PSMD12: variants seen among roughly 807,000 people sequenced by gnomAD.
The protein encoded by PSMD12 is 26S proteasome non-ATPase regulatory subunit 12.
In PSMD12, 8 loss-of-function variants were observed where a neutral mutation model predicts 62.9. That is an observed-to-expected ratio of 0.13 (90% CI 0.07 to 0.23). PSMD12 has a LOEUF of 0.23. Among genes scored for constraint, PSMD12 ranks in the 10% least tolerant of loss-of-function variants. PSMD12 has a pLI of 1.00. For missense variants in PSMD12, 424 were observed against 550.2 expected (o/e 0.77, Z 2.29); for synonymous variants, 173 against 187.4 (o/e 0.92, Z 0.63).
At chr17:67,347,311 AACAT>A (rs747948923) in intron 6 of PSMD12, 21 bp downstream of exon 6, 28 of 1,611,912 alleles carry the variant, frequency 1.7e-5, no homozygotes, top group Middle Eastern at 1.6e-4. Context: ...TTTTAAAGTA[AACAT>A]GTGGTCACAG....
chr17:67,364,263 A>G (rs2042159856), intron 1 of PSMD12, among the ~76,000 whole-genome samples: 2 of 152,102 alleles, frequency 1.3e-5, no homozygotes, highest in African/African-American at 2.4e-5. Flanking sequence ...AAATGTATCT[A>G]TCTTAACAGG....
At chr17:67,345,589 CTGAGA>C in intron 8 of PSMD12, 151 bp downstream of exon 8, 1 of 616,320 alleles carries the variant, frequency 1.6e-6, no homozygotes, top group East Asian at 2.9e-5. Flanking sequence ...TTGCAGTGAG[CTGAGA>C]TTACACCATT....
At chr17:67,353,030 G>C (rs1485844697) in intron 3 of PSMD12, among the ~76,000 whole-genome samples, 1 of 152,180 alleles carries the variant, frequency 6.6e-6, no homozygotes, top group African/African-American at 2.4e-5. Context: ...TGTACTATCT[G>C]TGGTTTCTGG....
At chr17:67,348,842 A>C (rs781304070) in intron 4 of PSMD12, among the ~76,000 whole-genome samples, 188 bp from the exon 5 acceptor site, 1 of 152,074 alleles carries the variant, frequency 6.6e-6, no homozygotes, top group Non-Finnish European at 1.5e-5. Context: ...CTAAAAATCA[A>C]AACATTAGCT....
chr17:67,341,051 T>A lies in PSMD12; in HGVS notation c.1163A>T (p.Glu388Val). Residue 388 changes from glutamate to valine, a missense_variant and splice_region_variant, in exon 11 of 11, where the codon GAG (glutamate) becomes GTG (valine). Physicochemically the swap from Glu to Val is moderately radical, Grantham distance 121 (BLOSUM62 -2). Coordinates refer to ENST00000356126, the MANE Select transcript of PSMD12 (RefSeq NM_002816.5). The stretch of plus-strand genomic sequence containing the variant: ...TAGATTTGAGAGAAAGGCTTCGGAC[T>A]CCTGCAAGAGAGAAAGATAAATTGG... ...MAQLLDLSVD[E>V]SEAFLSNLVV... 1 of 1,541,776 alleles carries A rather than the reference T, an allele frequency of 6.5e-7. No homozygotes were observed. The highest frequency in any genetic ancestry group is 8.7e-7 in the Non-Finnish European group (1 of 1,149,754).
intron 4 of PSMD12, among the ~76,000 whole-genome samples, chr17:67,349,654 T>A (rs2041999966): frequency 6.6e-6 from 1 of 152,228 alleles, no homozygotes; most frequent in South Asian, 2.1e-4. Context: ...AATACAAGAC[T>A]ACCTTCTTTA....
intron 7 of PSMD12, among the ~76,000 whole-genome samples, chr17:67,346,294 C>T (rs1277174400): frequency 2.0e-5 from 3 of 151,720 alleles, no homozygotes; most frequent in East Asian, 3.9e-4. Flanking sequence ...ACTCGGGAGG[C>T]TGAGGCAGGA....
chr17:67,347,242 C>G lies in PSMD12; in HGVS notation c.669G>C (p.Lys223Asn). Residue 223 changes from lysine (K) to asparagine (N), a missense_variant, in exon 7 of 11, where the codon AAG becomes AAC. Physicochemically the swap from Lys to Asn is moderately conservative, Grantham distance 94 (BLOSUM62 0). Coordinates refer to ENST00000356126, the MANE Select transcript of PSMD12 (RefSeq NM_002816.5). ...FFQEENTEKL[K>N]LKYYNLMIQL... The stretch of plus-strand genomic sequence containing the variant: ...GAATCATTAAATTATAGTACTTCAA[C>G]TTTAATTTCTGCAAAAAAGTTGACA... 1 of 1,613,080 alleles carries G rather than the reference C, an allele frequency of 6.2e-7. No homozygotes were observed. The highest frequency in any genetic ancestry group is 8.5e-7 in the Non-Finnish European group (1 of 1,179,710).
At chr17:67,366,069 G>T (rs1262658160) in intron 1 of PSMD12, among the ~76,000 whole-genome samples, 1 of 152,160 alleles carries the variant, frequency 6.6e-6, no homozygotes, top group East Asian at 1.9e-4. Flanking sequence ...GAAACTCTCT[G>T]ATCTAGCCTT....
chr17:67,353,314 CG>C lies in PSMD12; in HGVS notation c.298-2979del, dbSNP rs375858563. On this transcript the variant is annotated intron_variant, in intron 3 of 10. Coordinates refer to ENST00000356126, the MANE Select transcript of PSMD12 (RefSeq NM_002816.5). ...CTTTCCTTCCCTTCCTCCTTCCCCC[CG>C]CTCCCTCTCTCTTTCTTTTGAGACA... Among the ~76,000 whole-genome samples the C allele has an allele frequency of 1.2e-3, 183 of 151,564 alleles. 1 individual carries two copies. The highest frequency in any genetic ancestry group is 2.6e-3 in the African/African-American group (107 of 41,350).
intron 1 of PSMD12, among the ~76,000 whole-genome samples, chr17:67,359,390 T>C (rs1052050360): frequency 2.6e-5 from 4 of 152,190 alleles, no homozygotes; most frequent in Non-Finnish European, 5.9e-5. Flanking sequence ...TTATTTAACA[T>C]GCTAATATTA....
At chr17:67,344,531 G>A in intron 9 of PSMD12, 75 bp downstream of exon 9, 4 of 1,346,128 alleles carry the variant, frequency 3.0e-6, no homozygotes, top group African/African-American at 1.5e-5. Context: ...GCTCAAAATT[G>A]CCAAAATTTA....
At chr17:67,356,642 T>C (rs1237214477) in intron 3 of PSMD12, among the ~76,000 whole-genome samples, 3 of 146,732 alleles carry the variant, frequency 2.0e-5, no homozygotes, top group Non-Finnish European at 4.5e-5. Context: ...CATAAAAAGA[T>C]GTGCTTAATA....
Position 67,345,864 on chromosome 17 carries a change from G to T in PSMD12, c.796-7C>A. ...GTACAACACTCTTCAGAGCCTAAAA[G>T]AGTTGTACAACAAGTTATATGCAAG... On this transcript the variant is annotated splice_polypyrimidine_tract_variant and splice_region_variant and intron_variant, in intron 7 of 10. Transcript: ENST00000356126. 1.3e-6 allele frequency: 2 copies of T among 1,596,306 alleles called. No individual in the cohort carries two copies. The highest frequency in any genetic ancestry group is 1.1e-5 in the South Asian group (1 of 90,614).
intron 1 of PSMD12, among the ~76,000 whole-genome samples, chr17:67,362,324 A>C (rs993146305): frequency 6.6e-6 from 1 of 152,336 alleles, no homozygotes; most frequent in African/African-American, 2.4e-5. Flanking sequence ...CTAACACCCC[A>C]TCATCCCGAC....
intron 3 of PSMD12, among the ~76,000 whole-genome samples, chr17:67,354,415 A>G (rs1398982770): frequency 6.6e-6 from 1 of 151,902 alleles, no homozygotes; most frequent in African/African-American, 2.4e-5. Context: ...AAAAAAAAAA[A>G]AGGGAAGAAA....
chr17:67,338,870 TAAAG>T lies in PSMD12; in HGVS notation c.*1969_*1972del, dbSNP rs1445016798. 6.6e-6 allele frequency: 1 copy of T among 151,534 alleles called. No homozygotes were observed. The highest frequency in any genetic ancestry group is 1.5e-5 in the Non-Finnish European group (1 of 67,930). The allele number at this position is 151,534 out of a possible 1,614,324, so 9.4% of individuals were successfully genotyped here. ...TCCGTCTCAAAAAATATGAAAAAAA[TAAAG>T]AGGAGGAACACTTGCAATCTCTATA... is the stretch of plus-strand genomic sequence containing the variant. On this transcript the variant is annotated 3_prime_UTR_variant, in exon 11 of 11. Coordinates refer to ENST00000356126, the MANE Select transcript of PSMD12 (RefSeq NM_002816.5).
chr17:67,362,024 A>G (rs1006119155), intron 1 of PSMD12, among the ~76,000 whole-genome samples: 2 of 151,646 alleles, frequency 1.3e-5, no homozygotes, highest in Non-Finnish European at 1.5e-5. Context: ...CCTACTGCTC[A>G]AGGTCATCGC....
At chr17:67,360,534 C>T (rs763320775) in intron 1 of PSMD12, among the ~76,000 whole-genome samples, 17 of 152,170 alleles carry the variant, frequency 1.1e-4, no homozygotes, top group Admixed American at 8.5e-4. Context: ...CAGTAGAATG[C>T]GAACTCTGTA....
Sources: allele counts gnomAD v4.1 joint callset (sites outside exome capture counted in the v4.1 genomes callset), GRCh38; gene constraint gnomAD v4.1.1; transcripts MANE v1.5; gene names NCBI Gene and HGNC (gene_info 2026-07-23, HGNC 2026-07-21).